Variants in AOPEP observed in about 807,000 individuals in gnomAD.
AOPEP encodes the protein aminopeptidase O.
A neutral mutation model predicts 98.1 loss-of-function variants in AOPEP; 77 were observed. The ratio of observed to expected loss-of-function variants is 0.78; its 90% confidence interval spans 0.65 to 0.95. The LOEUF is 0.95. AOPEP is among the 40% of genes least tolerant of loss of function. The pLI is 0.00. For missense variants in AOPEP, 1,024 were observed against 1,024.7 expected (o/e 1.00, Z 0.01); for synonymous variants, 346 against 365.3 (o/e 0.95, Z 0.60).
chr9:94,756,247 C>CA (rs75045703), intron 1 of AOPEP, among the ~76,000 whole-genome samples: 9,550 of 101,232 alleles, frequency 0.094, 389 homozygotes, highest in Middle Eastern at 0.24. Context: ...GACTCTGTCT[C>CA]AAAAAAAAAA....
the AOPEP span, among the ~76,000 whole-genome samples, chr9:95,134,947 A>G: frequency 6.6e-6 from 1 of 152,152 alleles, no homozygotes; most frequent in African/African-American, 2.4e-5. Context: ...TGTGTCTCTT[A>G]TTTCATCTTT....
intron 5 of AOPEP, among the ~76,000 whole-genome samples, chr9:94,916,853 A>G (rs1280419529): frequency 6.6e-6 from 1 of 152,214 alleles, no homozygotes; most frequent in Non-Finnish European, 1.5e-5. Flanking sequence ...AATGTTCAAA[A>G]TTTGTTCAAA....
the AOPEP span, among the ~76,000 whole-genome samples, chr9:95,139,371 C>T: frequency 6.6e-6 from 1 of 152,136 alleles, no homozygotes; most frequent in Non-Finnish European, 1.5e-5. Context: ...TGTGGTGCCA[C>T]TGAAGAAAAT....
intron 13 of AOPEP, among the ~76,000 whole-genome samples, chr9:95,033,031 G>A (rs928909129): frequency 6.6e-6 from 1 of 152,188 alleles, no homozygotes; most frequent in African/African-American, 2.4e-5. Flanking sequence ...GTTGGAAAAA[G>A]TGCAGTTGGA....
intron 5 of AOPEP, among the ~76,000 whole-genome samples, chr9:94,815,582 G>A (rs972315357): frequency 2.0e-5 from 3 of 152,064 alleles, no homozygotes; most frequent in Non-Finnish European, 4.4e-5. Context: ...TGGAGCTGAA[G>A]GCAATCCCTT....
At chr9:94,945,200 T>C (rs1175426451) in intron 7 of AOPEP, among the ~76,000 whole-genome samples, 1 of 152,164 alleles carries the variant, frequency 6.6e-6, no homozygotes, top group Non-Finnish European at 1.5e-5. Flanking sequence ...ACACACAAGA[T>C]TGTGTGTTTT....
At chr9:94,940,610 A>AT (rs1554776921) in intron 7 of AOPEP, among the ~76,000 whole-genome samples, 1 of 151,896 alleles carries the variant, frequency 6.6e-6, no homozygotes, top group Non-Finnish European at 1.5e-5. Flanking sequence ...TAAATAAATA[A>AT]ATAATAAAAT....
At chr9:94,729,932 G>A (rs1237956946) in intron 1 of AOPEP, among the ~76,000 whole-genome samples, 1 of 152,166 alleles carries the variant, frequency 6.6e-6, no homozygotes, top group Non-Finnish European at 1.5e-5. Context: ...AAGACTGGGA[G>A]GCTGTGCTTG....
intron 12 of AOPEP, 39 bp from the exon 13 acceptor site, chr9:95,005,503 T>A (rs2061940027): frequency 6.3e-7 from 1 of 1,579,374 alleles, no homozygotes; most frequent in Non-Finnish European, 8.7e-7. Context: ...GTCAGGACCC[T>A]GTCGCCTTCT....
intron 5 of AOPEP, among the ~76,000 whole-genome samples, chr9:94,870,137 C>T (rs573242084): frequency 2.6e-5 from 4 of 151,962 alleles, no homozygotes; most frequent in African/African-American, 7.3e-5. Flanking sequence ...TATAGGCACA[C>T]GCCACCATGC....
intron 5 of AOPEP, among the ~76,000 whole-genome samples, chr9:94,804,828 G>A (rs1236909256): frequency 1.3e-5 from 2 of 152,190 alleles, no homozygotes; most frequent in Non-Finnish European, 2.9e-5. Context: ...AATCAAGTAA[G>A]TGTCACAGTG....
chr9:94,867,778 C>A (rs969547111), intron 5 of AOPEP, among the ~76,000 whole-genome samples: 1 of 152,156 alleles, frequency 6.6e-6, no homozygotes, highest in Non-Finnish European at 1.5e-5. Flanking sequence ...TGTTCTGATT[C>A]GGAATATCAG....
rs1213770848 is a variant in AOPEP at position 95,080,698 on chromosome 9, G to A, written c.2237G>A (p.Arg746His). 6 of 1,612,994 alleles carry A rather than the reference G, an allele frequency of 3.7e-6. No homozygotes were observed. The highest frequency in any genetic ancestry group is 1.1e-5 in the South Asian group (1 of 91,018). The change falls in exon 15 of 17, where the codon CGC becomes CAC. Residue 746 changes from arginine (R) to histidine (H), a missense_variant. Arg to His is a conservative substitution (Grantham distance 29). Coordinates refer to ENST00000375315, the MANE Select transcript of AOPEP (RefSeq NM_001193329.3). ...GGCTCTCTCTTGTTCCTCCAGGTTCGCCATCGGTGGTGTGAACTCATTGTT... is the reference window on the plus strand; with the variant it reads ...GGCTCTCTCTTGTTCCTCCAGGTTCACCATCGGTGGTGTGAACTCATTGTT... The part of the protein sequence containing the change: ...YHLQDQDAEV[R>H]HRWCELIVKH...
At chr9:94,836,994 A>T (rs950152132) in intron 5 of AOPEP, among the ~76,000 whole-genome samples, 2 of 152,170 alleles carry the variant, frequency 1.3e-5, no homozygotes, top group Non-Finnish European at 2.9e-5. Flanking sequence ...AAGATAAAAA[A>T]ATTGATAGAC....
the AOPEP span, among the ~76,000 whole-genome samples, chr9:95,098,519 G>A: frequency 6.6e-6 from 1 of 152,168 alleles, no homozygotes; most frequent in Non-Finnish European, 1.5e-5. Context: ...CCCCGAGAGG[G>A]GCCCTAGTGT....
At chr9:94,872,718 A>G (rs2046483483) in intron 5 of AOPEP, among the ~76,000 whole-genome samples, 1 of 152,150 alleles carries the variant, frequency 6.6e-6, no homozygotes, top group African/African-American at 2.4e-5. Context: ...TGGATGGTAT[A>G]TTTTCCAAGA....
intron 4 of AOPEP, among the ~76,000 whole-genome samples, chr9:94,799,721 G>A (rs543748524): frequency 2.6e-5 from 4 of 151,956 alleles, no homozygotes; most frequent in Admixed American, 2.0e-4. Flanking sequence ...AATTAGCCAG[G>A]CGTGGTGGCA....
chr9:95,131,770 A>G, the AOPEP span, among the ~76,000 whole-genome samples: 1 of 152,172 alleles, frequency 6.6e-6, no homozygotes, highest in Non-Finnish European at 1.5e-5. Flanking sequence ...CAAACTGACA[A>G]TATCACCCAG....
intron 4 of AOPEP, among the ~76,000 whole-genome samples, chr9:94,796,594 C>T (rs1055486170): frequency 4.6e-5 from 7 of 152,194 alleles, no homozygotes; most frequent in Non-Finnish European, 7.3e-5. Flanking sequence ...TGCTATACCA[C>T]AGGTTTTCAT....
Sources: gnomAD v4.1 joint callset for allele counts (sites outside exome capture counted in the v4.1 genomes callset) on GRCh38, gnomAD v4.1.1 for gene constraint, MANE v1.5 for transcripts, NCBI Gene and HGNC (gene_info 2026-07-23, HGNC 2026-07-21) for gene names.